Variants in ABTB3 observed in about 807,000 individuals in gnomAD.
The protein encoded by ABTB3 is ankyrin repeat- and BTB/POZ domain-containing protein 3.
the ABTB3 span, among the ~76,000 whole-genome samples, chr12:107,491,210 G>T: frequency 7.8e-4 from 119 of 152,058 alleles, no homozygotes; most frequent in Non-Finnish European, 1.5e-3. Flanking sequence ...TGGCTCCTTC[G>T]CCCTGAGCCT....
At chr12:107,537,208 T>C in the ABTB3 span, among the ~76,000 whole-genome samples, 2 of 152,140 alleles carry the variant, frequency 1.3e-5, no homozygotes, top group African/African-American at 4.8e-5. Flanking sequence ...AGACTAACAT[T>C]ATAGACATTA....
At chr12:107,320,125 T>G in the ABTB3 span, 6 of 1,364,032 alleles carry the variant, frequency 4.4e-6, no homozygotes, top group East Asian at 2.7e-5. Context: ...TGGCCAACTC[T>G]TGGCGCAAGT....
At chr12:107,384,677 G>A in the ABTB3 span, among the ~76,000 whole-genome samples, 949 of 152,290 alleles carry the variant, frequency 6.2e-3, 6 homozygotes, top group African/African-American at 0.022. Context: ...TCCAGACAAG[G>A]GGGTCAGGTC....
chr12:107,530,844 T>C, the ABTB3 span, among the ~76,000 whole-genome samples: 2 of 152,206 alleles, frequency 1.3e-5, no homozygotes, highest in Non-Finnish European at 2.9e-5. Flanking sequence ...AATTCAAACA[T>C]TGGGACAGAT....
chr12:107,604,123 C>A, the ABTB3 span, among the ~76,000 whole-genome samples: 29 of 151,968 alleles, frequency 1.9e-4, no homozygotes, highest in Admixed American at 1.2e-3. Flanking sequence ...GAGCCGAGAT[C>A]ACGCCACTGC....
At chr12:107,462,380 T>C in the ABTB3 span, among the ~76,000 whole-genome samples, 1 of 152,232 alleles carries the variant, frequency 6.6e-6, no homozygotes, top group Non-Finnish European at 1.5e-5. Flanking sequence ...AACAAAGGAC[T>C]GGGGATTTGA....
chr12:107,497,340 C>T, the ABTB3 span, among the ~76,000 whole-genome samples: 1 of 151,680 alleles, frequency 6.6e-6, no homozygotes, highest in East Asian at 1.9e-4. Flanking sequence ...CCATCCCCAC[C>T]TCTATCCTCA....
At chr12:107,327,476 G>C in the ABTB3 span, among the ~76,000 whole-genome samples, 1 of 152,084 alleles carries the variant, frequency 6.6e-6, no homozygotes, top group Non-Finnish European at 1.5e-5. Context: ...CTTTCAAACT[G>C]GTTAATTTAG....
chr12:107,365,226 G>A, the ABTB3 span, among the ~76,000 whole-genome samples: 1 of 152,180 alleles, frequency 6.6e-6, no homozygotes, highest in African/African-American at 2.4e-5. Context: ...GATATAAAGT[G>A]TTTGCAAAAC....
the ABTB3 span, among the ~76,000 whole-genome samples, chr12:107,634,160 A>G: frequency 1.3e-5 from 2 of 152,176 alleles, no homozygotes. Context: ...TTTCTTTTGT[A>G]TGCCAAGCTG....
the ABTB3 span, among the ~76,000 whole-genome samples, chr12:107,503,772 A>AAG: frequency 1.0e-3 from 149 of 148,094 alleles, no homozygotes; most frequent in Non-Finnish European, 1.9e-3. Context: ...AAAAAAAAAA[A>AAG]AAGAAGAAGA....
chr12:107,409,202 C>A, the ABTB3 span, among the ~76,000 whole-genome samples: 2 of 152,224 alleles, frequency 1.3e-5, no homozygotes, highest in Non-Finnish European at 2.9e-5. Context: ...GCCCAGGCCC[C>A]ATGGAAGGGC....
At chr12:107,575,470 C>G in the ABTB3 span, among the ~76,000 whole-genome samples, 1 of 152,134 alleles carries the variant, frequency 6.6e-6, no homozygotes, top group Admixed American at 6.5e-5. Flanking sequence ...TAAAAAATTA[C>G]CACACACGGA....
chr12:107,520,166 A>G, the ABTB3 span: 4 of 964,808 alleles, frequency 4.1e-6, no homozygotes, highest in South Asian at 4.8e-5. Context: ...CAGAGTCACA[A>G]GAAGTCACAT....
the ABTB3 span, among the ~76,000 whole-genome samples, chr12:107,463,351 G>T: frequency 6.6e-6 from 1 of 152,078 alleles, no homozygotes; most frequent in Admixed American, 6.5e-5. Context: ...TGATGATGGT[G>T]GTGATGATGA....
At chr12:107,503,211 A>T in the ABTB3 span, among the ~76,000 whole-genome samples, 4 of 152,326 alleles carry the variant, frequency 2.6e-5, no homozygotes, top group African/African-American at 9.6e-5. Flanking sequence ...TCTGAGGCAT[A>T]GGGACTGCCC....
the ABTB3 span, among the ~76,000 whole-genome samples, chr12:107,508,446 T>TTTTTTTTG: frequency 7.0e-5 from 6 of 86,064 alleles, 2 homozygotes; most frequent in Non-Finnish European, 1.3e-4. Context: ...TTCTTTTTTT[T>TTTTTTTTG]TTTTTTTTTT....
chr12:107,419,932 C>T, the ABTB3 span, among the ~76,000 whole-genome samples: 6 of 152,140 alleles, frequency 3.9e-5, no homozygotes, highest in African/African-American at 9.6e-5. Context: ...AAAGCCCAGG[C>T]GGAGTGGTAT....
the ABTB3 span, among the ~76,000 whole-genome samples, chr12:107,482,840 TTTC>T: frequency 7.9e-5 from 12 of 151,882 alleles, no homozygotes; most frequent in Admixed American, 3.3e-4. Context: ...TCTTTCTTTC[TTTC>T]TTTTCTTCTC....
Sources: allele counts gnomAD v4.1 joint callset (sites outside exome capture counted in the v4.1 genomes callset), GRCh38; gene constraint gnomAD v4.1.1; transcripts MANE v1.5; gene names NCBI Gene and HGNC (gene_info 2026-07-23, HGNC 2026-07-21).